Variants in RGMA observed in about 807,000 individuals in gnomAD.
RGMA encodes repulsive guidance molecule A.
In RGMA, 10 loss-of-function variants were observed where a neutral mutation model predicts 23.2. That is an observed-to-expected ratio of 0.43 (90% confidence interval 0.27 to 0.73). RGMA has a LOEUF of 0.73. RGMA is among the 30% of genes least tolerant of loss of function. The probability of loss-of-function intolerance (pLI) is 0.20; values close to 1 mark genes in which losing one functional copy is unlikely to be tolerated. For synonymous variants in RGMA, 308 were observed against 279.3 expected, an observed-to-expected ratio of 1.10 and a Z score of -1.03; for missense variants, 547 against 630.5, an observed-to-expected ratio of 0.87 and a Z score of 1.42.
Position 93,052,440 on chromosome 15 carries a change from G to C in RGMA, c.198C>G (p.Ala66=). ...EFWSATSGSH[A]PASDDTPEFC... ...ACTCGGGGGTGTCGTCTGAGGCTGG[G>C]GCGTGGCTGCCCGACGTGGCGCTCC... The change falls in exon 3 of 4, where the codon GCC becomes GCG. Residue 66 remains alanine (A), a synonymous_variant. Coordinates refer to ENST00000329082, the MANE Select transcript of RGMA (RefSeq NM_020211.3). 1 of 1,593,576 alleles carries C rather than the reference G, an allele frequency of 6.3e-7. No individual in the cohort carries two copies. Among genetic ancestry groups the C allele is most frequent in the Non-Finnish European group, 8.5e-7 (1 of 1,175,696 alleles).
At chr15:93,066,174 C>T (rs1413221765) in intron 2 of RGMA, 1 of 1,403,012 alleles carries the variant, frequency 7.1e-7, no homozygotes, top group South Asian at 1.2e-5. Context: ...CTTCTGCACC[C>T]TTCTCTCCTT....
chr15:93,053,776 T>C (rs8030422), intron 2 of RGMA, among the ~76,000 whole-genome samples: 93,055 of 152,052 alleles, frequency 0.61, 28,861 homozygotes, highest in East Asian at 0.92. Flanking sequence ...GATCACAGAC[T>C]TGAGCACGGG....
Position 93,045,801 on chromosome 15 carries a change from A to T in RGMA, c.646-96T>A. 1.1e-6 allele frequency: 1 copy of T among 889,574 alleles called. No homozygotes were observed. Among genetic ancestry groups the T allele is most frequent in the Non-Finnish European group, 1.8e-6 (1 of 568,316 alleles). The allele number at this position is 889,574 out of a possible 1,614,324, so 55.1% of individuals were successfully genotyped here. On this transcript the variant is annotated intron_variant, in intron 3 of 3. Transcript: ENST00000329082. This position sits in a 1 kb window ranked among gnomAD's most constrained non-coding sequence, Gnocchi z 6.9. Reference sequence around the variant, plus strand: ...GCTCTAGACTGAGAGGAGGGCAGGAAGGATCCCCAGGGATGCCCCAGACAC... The same window carrying T: ...GCTCTAGACTGAGAGGAGGGCAGGATGGATCCCCAGGGATGCCCCAGACAC...
intron 2 of RGMA, among the ~76,000 whole-genome samples, chr15:93,053,498 A>G (rs2054962191): frequency 6.6e-6 from 1 of 152,326 alleles, no homozygotes; most frequent in South Asian, 2.1e-4. Context: ...AGGGAGCCTC[A>G]GCACTCTTGT....
rs1596077876 is a variant in RGMA at position 93,045,437 on chromosome 15, T to C, written c.914A>G (p.Glu305Gly). The change falls in exon 4 of 4, where the codon GAG (glutamate) becomes GGG (glycine). Residue 305 changes from glutamate (E) to glycine (G), a missense_variant. Around this residue, in one of 3 missense-constraint regions of RGMA, gnomAD observed 205 missense variants for 204.1 expected, o/e 1.00. Coordinates refer to ENST00000329082, the MANE Select transcript of RGMA (RefSeq NM_020211.3). This position sits in a 1 kb window ranked among gnomAD's most constrained non-coding sequence, Gnocchi z 6.9. Reference protein sequence around the residue: ...RMPEEVVNAVEDWDSQGLYLC... With the variant: ...RMPEEVVNAVGDWDSQGLYLC... ...GTAGAGACCCTGGCTGTCCCAGTCC[T>C]CCACAGCATTGACCACTTCCTCTGG... 1 of 1,613,136 alleles carries C rather than the reference T, an allele frequency of 6.2e-7. No individual in the cohort carries two copies. Among genetic ancestry groups the C allele is most frequent in the Admixed American group, 1.7e-5 (1 of 60,002 alleles).
Position 93,043,069 on chromosome 15 carries a change from C to G in RGMA, c.*1929G>C, listed in dbSNP as rs184369858. On this transcript the variant is annotated 3_prime_UTR_variant, in exon 4 of 4. Coordinates refer to ENST00000329082, the MANE Select transcript of RGMA (RefSeq NM_020211.3). ...CTGCCAAGCTCCAAAGACAGCTCAT[C>G]GTGAGGAGGAAAAGTGACTTTACAA... 1 of 152,288 alleles carries G rather than the reference C, an allele frequency of 6.6e-6. No homozygotes were observed. The highest frequency in any genetic ancestry group is 2.4e-5 in the African/African-American group (1 of 41,460). 9.4% of individuals were successfully genotyped at this position (152,288 alleles called of 1,614,324 possible). A position where few individuals can be genotyped will look rare whatever the true frequency, so the allele number is the denominator to read the frequency against.
At chr15:93,075,831 CCT>C (rs1011361590) in intron 1 of RGMA, among the ~76,000 whole-genome samples, 3 of 152,232 alleles carry the variant, frequency 2.0e-5, no homozygotes, top group Non-Finnish European at 2.9e-5. Flanking sequence ...TTTTTCCCCC[CCT>C]TTCTTGAGGA....
intron 1 of RGMA, among the ~76,000 whole-genome samples, chr15:93,087,395 ATGTCCC>A (rs1895651286): frequency 1.5e-5 from 2 of 131,846 alleles, no homozygotes; most frequent in African/African-American, 5.7e-5. Flanking sequence ...ATTGGAGATC[ATGTCCC>A]TGTAAAGGGG....
At chr15:93,050,547 G>A (rs1426241027) in intron 3 of RGMA, among the ~76,000 whole-genome samples, 2 of 152,176 alleles carry the variant, frequency 1.3e-5, no homozygotes, top group Non-Finnish European at 2.9e-5. Flanking sequence ...ATACTCTTCT[G>A]GAAGCCTCCA....
At chr15:93,049,725 AGGTCAG>A (rs1460965864) in intron 3 of RGMA, among the ~76,000 whole-genome samples, 4 of 152,244 alleles carry the variant, frequency 2.6e-5, no homozygotes, top group African/African-American at 9.6e-5. Context: ...CATAGCTGCA[AGGTCAG>A]GGTCAGGCCA....
chr15:93,083,489 G>A lies in RGMA; in HGVS notation c.14+5430C>T, dbSNP rs1428790749. On this transcript the variant is annotated intron_variant, in intron 1 of 3. Transcript: ENST00000329082. The stretch of plus-strand genomic sequence containing the variant: ...ACCACAGGTGCACACCACCATGCCC[G>A]GCTAATTTTTGTATTTTTTAGCAGA... Among the ~76,000 whole-genome samples, 11 of 151,994 alleles carry A rather than the reference G, an allele frequency of 7.2e-5. No individual in the cohort carries two copies. The East Asian group carries it at 1.5e-3, about 21-fold the overall frequency.
chr15:93,041,943 T>G lies in RGMA; in HGVS notation c.*3055A>C, dbSNP rs575082307. 1.1e-4 allele frequency: 17 copies of G among 152,446 alleles called. No individual in the cohort carries two copies. The highest frequency in any genetic ancestry group is 7.2e-4 in the Admixed American group (11 of 15,312). 9.4% of individuals were successfully genotyped at this position (152,446 alleles called of 1,614,324 possible). ...ACTTTGGGAGGCCAAGGCAGGCGGA[T>G]CACGAGGTCAGGAGATCAAGACCAT... is the stretch of plus-strand genomic sequence containing the variant. On this transcript the variant is annotated 3_prime_UTR_variant, in exon 4 of 4. Coordinates refer to ENST00000329082, the MANE Select transcript of RGMA (RefSeq NM_020211.3).
chr15:93,044,540 TA>T lies in RGMA; in HGVS notation c.*457del, dbSNP rs1030812117. 9 of 178,878 alleles carry T rather than the reference TA, an allele frequency of 5.0e-5. No individual in the cohort carries two copies. Among genetic ancestry groups the T allele is most frequent in the Admixed American group, 1.1e-4 (2 of 17,726 alleles). 11.1% of individuals were successfully genotyped at this position (178,878 alleles called of 1,614,324 possible). On this transcript the variant is annotated 3_prime_UTR_variant, in exon 4 of 4. Coordinates refer to ENST00000329082, the MANE Select transcript of RGMA (RefSeq NM_020211.3). The stretch of plus-strand genomic sequence containing the variant: ...TGTGGCTGGGGTGTCCCCGCTGGCC[TA>T]GGGGGATCGAGTGTGCTCTCGTGTA...
intron 2 of RGMA, 96 bp downstream of exon 2, chr15:93,072,820 G>C: frequency 7.4e-7 from 1 of 1,357,928 alleles, no homozygotes. Context: ...AGGAGGTCCG[G>C]AGAACTTGAG....
At chr15:93,070,037 C>A (rs547994907) in intron 2 of RGMA, among the ~76,000 whole-genome samples, 1 of 152,144 alleles carries the variant, frequency 6.6e-6, no homozygotes, top group Non-Finnish European at 1.5e-5. Flanking sequence ...TGTGCTGTCC[C>A]CAAAGAATCA....
chr15:93,059,479 A>T (rs1370596056), intron 2 of RGMA, among the ~76,000 whole-genome samples: 1 of 152,114 alleles, frequency 6.6e-6, no homozygotes, highest in Admixed American at 6.5e-5. Context: ...AGCTCAAGGG[A>T]ATGACTTGGA....
intron 3 of RGMA, among the ~76,000 whole-genome samples, chr15:93,046,902 G>A (rs1308090910): frequency 2.6e-5 from 2 of 76,854 alleles, no homozygotes; most frequent in East Asian, 2.5e-3. Context: ...TGGCTGGGTG[G>A]CACTGTTCTC....
Position 93,040,655 on chromosome 15 carries a change from C to T in RGMA, c.*4343G>A, listed in dbSNP as rs1044896809. 6.6e-6 allele frequency: 1 copy of T among 152,214 alleles called. No homozygotes were observed. Among genetic ancestry groups the T allele is most frequent in the Non-Finnish European group, 1.5e-5 (1 of 68,072 alleles). 9.4% of individuals were successfully genotyped at this position (152,214 alleles called of 1,614,324 possible). On this transcript the variant is annotated 3_prime_UTR_variant, in exon 4 of 4. Coordinates refer to ENST00000329082, the MANE Select transcript of RGMA (RefSeq NM_020211.3). The stretch of plus-strand genomic sequence containing the variant: ...CTCTGTGGAGCTCGTTACCATGGGA[C>T]CCTGGGTTTTGTAACTGTGGTTTAT...
chr15:93,071,864 T>C (rs1895335767), intron 2 of RGMA, among the ~76,000 whole-genome samples: 1 of 152,182 alleles, frequency 6.6e-6, no homozygotes, highest in South Asian at 2.1e-4. Flanking sequence ...TGAAATTTTT[T>C]CAAAAAGACA....
Sources: allele counts gnomAD v4.1 joint callset (sites outside exome capture counted in the v4.1 genomes callset), GRCh38; gene constraint gnomAD v4.1.1; regional missense constraint gnomAD v4.1.1; non-coding constraint Gnocchi (gnomAD v3.1); transcripts MANE v1.5; gene names NCBI Gene and HGNC (gene_info 2026-07-23, HGNC 2026-07-21).